Variants in RHBG observed in about 807,000 individuals in gnomAD.
RHBG encodes the protein Rh family B glycoprotein, also known as ammonium transporter Rh type B.
A neutral mutation model predicts 40.1 loss-of-function variants in RHBG; 39 were observed. The observed-to-expected ratio is 0.97, with a 90% CI of 0.75 to 1.27. The LOEUF is 1.27. RHBG is among the 50% of genes most tolerant of loss of function. The pLI is 0.00. For missense variants in RHBG, 549 were observed against 588.1 expected, an observed-to-expected ratio of 0.93 and a Z score of 0.69; for synonymous variants, 237 against 252.5, an observed-to-expected ratio of 0.94 and a Z score of 0.58.
intron 5 of RHBG, 34 bp from the exon 6 acceptor site, chr1:156,381,771 CT>C (rs971181442): frequency 6.4e-7 from 1 of 1,560,374 alleles, no homozygotes; most frequent in Non-Finnish European, 8.6e-7. Context: ...GTGTGACAAT[CT>C]GAAAGGGCCT....
Position 156,384,541 on chromosome 1 carries a change from C to CT in RHBG, c.1250dup (p.Pro418ThrfsTer25), listed in dbSNP as rs1667910484. On this transcript the variant is annotated frameshift_variant, in exon 9 of 10. Transcript: ENST00000537040. LOFTEE classifies it high-confidence loss of function. Reference sequence around the variant, plus strand: ...ACCACCACCAGGGCTCCTGCTGAAGCTACCCTTTCTGGACTCCCCCCCAGA... The same window carrying CT: ...ACCACCACCAGGGCTCCTGCTGAAGCTTACCCTTTCTGGACTCCCCCCCAGA... The CT allele has an allele frequency of 6.3e-7, 1 of 1,578,114 alleles. No individual in the cohort carries two copies. Among genetic ancestry groups the CT allele is most frequent in the African/African-American group, 1.4e-5 (1 of 70,182 alleles).
Position 156,384,601 on chromosome 1 carries a change from G to A in RHBG, c.1308+1G>A, listed in dbSNP as rs1162711458. On this transcript the variant is annotated splice_donor_variant, in intron 9 of 9. Coordinates refer to ENST00000537040, the MANE Select transcript of RHBG (RefSeq NM_020407.5). LOFTEE classifies it high-confidence loss of function. Reference sequence around the variant, plus strand: ...CTACGAGGACCAAGTTCACTGGCAGGTGAGACATTGCTGGGCTCTCACACC... The same window carrying A: ...CTACGAGGACCAAGTTCACTGGCAGATGAGACATTGCTGGGCTCTCACACC... 3.2e-6 allele frequency: 5 copies of A among 1,570,220 alleles called. No homozygotes were observed. The highest frequency in any genetic ancestry group is 2.3e-5 in the East Asian group (1 of 44,370).
chr1:156,374,435 C>T (rs538038563), intron 1 of RHBG, among the ~76,000 whole-genome samples: 1 of 152,182 alleles, frequency 6.6e-6, no homozygotes, highest in South Asian at 2.1e-4. Flanking sequence ...TCTTTATTAT[C>T]CTTTGTTCTA....
chr1:156,385,002 G>A lies in RHBG; in HGVS notation c.*157G>A. On this transcript the variant is annotated 3_prime_UTR_variant, in exon 10 of 10. Coordinates refer to ENST00000537040, the MANE Select transcript of RHBG (RefSeq NM_020407.5). ...CACAGGCAGCGTCTCCACAGGGAGAGGGGCAACAGGAGGCTGGGAAATGGT... is the reference window on the plus strand; with the variant it reads ...CACAGGCAGCGTCTCCACAGGGAGAAGGGCAACAGGAGGCTGGGAAATGGT... 3 of 581,596 alleles carry A rather than the reference G, an allele frequency of 5.2e-6. No individual in the cohort carries two copies. Among genetic ancestry groups the A allele is most frequent in the South Asian group, 4.3e-5 (2 of 46,112 alleles). 36.0% of individuals were successfully genotyped at this position (581,596 alleles called of 1,614,324 possible). A position where few individuals can be genotyped will look rare whatever the true frequency, so the allele number is the denominator to read the frequency against.
intron 1 of RHBG, chr1:156,371,363 T>C: frequency 3.3e-6 from 1 of 307,058 alleles, no homozygotes; most frequent in Non-Finnish European, 6.3e-6. Context: ...TTTCGCCATG[T>C]TGGCCAGGCT....
chr1:156,382,307 C>T (rs1161499683), intron 7 of RHBG, 106 bp downstream of exon 7: 3 of 1,550,848 alleles, frequency 1.9e-6, no homozygotes, highest in Non-Finnish European at 2.7e-6. Context: ...TTCATTCATT[C>T]ATCCATATTC....
chr1:156,372,015 C>T (rs1235242606), intron 1 of RHBG: 3 of 152,212 alleles, frequency 2.0e-5, no homozygotes, highest in Non-Finnish European at 4.4e-5. Context: ...GAGCCTGGGG[C>T]TTTGATGAGC....
At position 156,381,824 on chromosome 1, in the gene RHBG, G is replaced by A. The variant is rs1667659763; in HGVS notation, c.859G>A (p.Ala287Thr). 6 of 1,587,290 alleles carry A rather than the reference G, an allele frequency of 3.8e-6. No individual in the cohort carries two copies. The highest frequency in any genetic ancestry group is 5.1e-6 in the Non-Finnish European group (6 of 1,173,626). The change falls in exon 6 of 10, where the codon GCG (alanine) becomes ACG (threonine). Residue 287 changes from alanine (A) to threonine (T), a missense_variant. Transcript: ENST00000537040. Reference protein sequence around the residue: ...RLDMVHIQNAALAGGVVVGTS... With the variant: ...RLDMVHIQNATLAGGVVVGTS... ...CCCTTAGGTCCACATCCAAAATGCA[G>A]CGCTGGCTGGAGGGGTTGTGGTGGG...
intron 8 of RHBG, among the ~76,000 whole-genome samples, chr1:156,383,856 G>A (rs1463528246): frequency 1.5e-5 from 2 of 130,412 alleles, no homozygotes; most frequent in African/African-American, 5.5e-5. Flanking sequence ...TTTTTGAGAC[G>A]GAGTTTCGCT....
chr1:156,383,401 G>C (rs1407002923), intron 8 of RHBG, among the ~76,000 whole-genome samples: 1 of 151,796 alleles, frequency 6.6e-6, no homozygotes. Flanking sequence ...CTCAGCCTCC[G>C]AGTAGCTGGG....
intron 1 of RHBG, among the ~76,000 whole-genome samples, chr1:156,373,337 G>A (rs1444491037): frequency 6.6e-6 from 1 of 152,014 alleles, no homozygotes; most frequent in South Asian, 2.1e-4. Flanking sequence ...GAGGAGGGAA[G>A]ATTGCTTGAG....
chr1:156,382,558 G>A, intron 7 of RHBG, 190 bp from the exon 8 acceptor site: 1 of 741,840 alleles, frequency 1.3e-6, no homozygotes, highest in Non-Finnish European at 2.3e-6. Flanking sequence ...GGGTGGGAAG[G>A]TGTTCCAGGC....
intron 8 of RHBG, among the ~76,000 whole-genome samples, chr1:156,384,193 G>C (rs1054059697): frequency 6.6e-6 from 1 of 152,150 alleles, no homozygotes; most frequent in Non-Finnish European, 1.5e-5. Flanking sequence ...CAGCAGCTGT[G>C]GTTCATGATG....
At chr1:156,382,675 G>A (rs1667740422) in intron 7 of RHBG, 73 bp from the exon 8 acceptor site, 2 of 1,569,536 alleles carry the variant, frequency 1.3e-6, no homozygotes, top group African/African-American at 1.4e-5. Context: ...CCAGTGCCAT[G>A]AGCAGCCCTG....
At chr1:156,376,733 C>T (rs1388560889) in intron 1 of RHBG, among the ~76,000 whole-genome samples, 1 of 152,086 alleles carries the variant, frequency 6.6e-6, no homozygotes, top group Admixed American at 6.5e-5. Context: ...CTTAGGAGGC[C>T]AAAGTGGGAG....
chr1:156,384,520 C>A lies in RHBG; in HGVS notation c.1235-7C>A. 6.2e-7 allele frequency: 1 copy of A among 1,612,408 alleles called. No homozygotes were observed. Among genetic ancestry groups the A allele is most frequent in the East Asian group, 2.2e-5 (1 of 44,818 alleles). ...AAGCCTCACAGATCCTCCCCTACCACCACCAGGGCTCCTGCTGAAGCTACC... is the reference window on the plus strand; with the variant it reads ...AAGCCTCACAGATCCTCCCCTACCAACACCAGGGCTCCTGCTGAAGCTACC... On this transcript the variant is annotated splice_region_variant and splice_polypyrimidine_tract_variant and intron_variant, in intron 8 of 9. Transcript: ENST00000537040.
intron 4 of RHBG, among the ~76,000 whole-genome samples, chr1:156,378,691 C>A (rs1667401442): frequency 6.6e-6 from 1 of 152,204 alleles, no homozygotes; most frequent in Non-Finnish European, 1.5e-5. Context: ...AAAGTGGCCT[C>A]CTCAGCTGCC....
chr1:156,383,598 A>G (rs1351063463), intron 8 of RHBG, among the ~76,000 whole-genome samples: 2 of 146,732 alleles, frequency 1.4e-5, no homozygotes, highest in Non-Finnish European at 3.0e-5. Flanking sequence ...TCTTTTAAAA[A>G]GAGATTCCCA....
At chr1:156,383,714 A>G (rs1418792884) in intron 8 of RHBG, among the ~76,000 whole-genome samples, 1 of 150,890 alleles carries the variant, frequency 6.6e-6, no homozygotes, top group Non-Finnish European at 1.5e-5. Flanking sequence ...TTTTTAGTAG[A>G]GATGGGGATT....
Sources: gnomAD v4.1 joint callset for allele counts (sites outside exome capture counted in the v4.1 genomes callset) on GRCh38, gnomAD v4.1.1 for gene constraint, MANE v1.5 for transcripts, NCBI Gene and HGNC (gene_info 2026-07-23, HGNC 2026-07-21) for gene names.